The following EXOC2 variants were observed in gnomAD, a reference collection of about 807,000 sequenced individuals.
EXOC2 encodes exocyst complex component 2, also known as SEC5-like 1.
In EXOC2, 70 loss-of-function variants were observed where a neutral mutation model predicts 131.8. The observed-to-expected ratio is 0.53, with a 90% CI of 0.44 to 0.65. The LOEUF (loss-of-function observed/expected upper bound fraction) is 0.65. EXOC2 is among the 30% of genes least tolerant of loss of function. The pLI is 0.00. For missense variants in EXOC2, 923 were observed against 1,108.6 expected, an observed-to-expected ratio of 0.83 and a Z score of 2.38; for synonymous variants, 411 against 398.4, an observed-to-expected ratio of 1.03 and a Z score of -0.38.
At chr6:566,531 T>G (rs1455918263) in intron 13 of EXOC2, among the ~76,000 whole-genome samples, 16 of 152,158 alleles carry the variant, frequency 1.1e-4, no homozygotes, top group Non-Finnish European at 2.4e-4. Context: ...CGGCTCTGAG[T>G]GTCTGTTCAG....
intron 1 of EXOC2, among the ~76,000 whole-genome samples, chr6:683,936 G>C (rs759737183): frequency 2.0e-5 from 3 of 152,256 alleles, no homozygotes; most frequent in Non-Finnish European, 2.9e-5. Flanking sequence ...ACGCACCGCA[G>C]CTGCGAAGGA....
intron 1 of EXOC2, among the ~76,000 whole-genome samples, chr6:657,511 A>G (rs1282718195): frequency 6.6e-6 from 1 of 152,230 alleles, no homozygotes; most frequent in African/African-American, 2.4e-5. Context: ...GAGTTATAAC[A>G]CAAATGACAT....
chr6:637,603 G>C (rs1762159105), intron 2 of EXOC2, 98 bp downstream of exon 2: 2 of 878,442 alleles, frequency 2.3e-6, no homozygotes, highest in East Asian at 2.6e-5. Flanking sequence ...AAAGATGTTT[G>C]TTCTATCACC....
At chr6:496,735 G>T (rs1312131931) in intron 25 of EXOC2, among the ~76,000 whole-genome samples, 1 of 152,094 alleles carries the variant, frequency 6.6e-6, no homozygotes, top group East Asian at 1.9e-4. Context: ...TTTATTTTTT[G>T]ATATTTAAGT....
chr6:644,137 C>T (rs1285490541), intron 1 of EXOC2, among the ~76,000 whole-genome samples: 4 of 151,948 alleles, frequency 2.6e-5, no homozygotes, highest in Non-Finnish European at 4.4e-5. Context: ...TTTCAAAAAG[C>T]AAAAGAGGAA....
chr6:658,665 A>AT (rs10657323), intron 1 of EXOC2, among the ~76,000 whole-genome samples: 36,468 of 115,542 alleles, frequency 0.32, 7,141 homozygotes, highest in East Asian at 0.62. Flanking sequence ...ATATATATAT[A>AT]TTTTTTTTTT....
chr6:527,542 C>T (rs550230188), intron 23 of EXOC2, among the ~76,000 whole-genome samples: 6 of 152,230 alleles, frequency 3.9e-5, no homozygotes, highest in African/African-American at 9.6e-5. Flanking sequence ...TTACAAGTTT[C>T]GCTCACTGAT....
intron 22 of EXOC2, among the ~76,000 whole-genome samples, chr6:534,613 C>T (rs1766326269): frequency 6.6e-6 from 1 of 152,208 alleles, no homozygotes; most frequent in South Asian, 2.1e-4. Flanking sequence ...CCCAAGAATC[C>T]TGTATTTAGC....
chr6:566,913 C>T (rs1234539182), intron 13 of EXOC2, among the ~76,000 whole-genome samples: 2 of 152,168 alleles, frequency 1.3e-5, no homozygotes, highest in Non-Finnish European at 2.9e-5. Flanking sequence ...GCTTGGCATA[C>T]GGCACTCCTG....
At chr6:507,326 T>C (rs1581329556) in intron 23 of EXOC2, among the ~76,000 whole-genome samples, 1 of 37,684 alleles carries the variant, frequency 2.7e-5, no homozygotes, top group African/African-American at 7.9e-5. Flanking sequence ...CACAAAGAAG[T>C]GACCCCCCCC....
intron 13 of EXOC2, among the ~76,000 whole-genome samples, chr6:566,652 T>C (rs768151884): frequency 5.9e-5 from 9 of 152,140 alleles, no homozygotes; most frequent in African/African-American, 2.2e-4. Flanking sequence ...AAATAGCTCT[T>C]TTCTACATGT....
At chr6:508,299 T>C (rs536570872) in intron 23 of EXOC2, among the ~76,000 whole-genome samples, 1 of 152,202 alleles carries the variant, frequency 6.6e-6, no homozygotes, top group Non-Finnish European at 1.5e-5. Context: ...TACACTGACA[T>C]GTGTCATTAT....
At chr6:609,533 G>A (rs965770469) in intron 7 of EXOC2, among the ~76,000 whole-genome samples, 5 of 152,144 alleles carry the variant, frequency 3.3e-5, no homozygotes, top group Non-Finnish European at 5.9e-5. Context: ...GACAGACAAG[G>A]GACGTGGACA....
Position 676,785 on chromosome 6 carries a change from ACT to A in EXOC2, c.-44+16232_-44+16233del, listed in dbSNP as rs773055581. Among the ~76,000 whole-genome samples, 357 of 73,568 alleles carry A rather than the reference ACT, an allele frequency of 4.9e-3. 2 individuals carry two copies. Among genetic ancestry groups the A allele is most frequent in the East Asian group, 0.037 (26 of 710 alleles). 48.3% of individuals were successfully genotyped at this position (73,568 alleles called of 152,430 possible). A position where few individuals can be genotyped will look rare whatever the true frequency, so the allele number is the denominator to read the frequency against. On this transcript the variant is annotated intron_variant, in intron 1 of 27. Coordinates refer to ENST00000230449, the MANE Select transcript of EXOC2 (RefSeq NM_018303.6). ...ACGGAAAGGACAGGTTCCTCGGGAG[ACT>A]CTGCGGTTCCCCATACTCTTCAACA... is the stretch of plus-strand genomic sequence containing the variant.
chr6:531,748 C>T lies in EXOC2; in HGVS notation c.2380+721G>A, dbSNP rs189190044. ...TGCATATGTACACCCATGAAGAACC[C>T]GTGTCCGATACCAGCATGACCACTT... On this transcript the variant is annotated intron_variant, in intron 23 of 27. Coordinates refer to ENST00000230449, the MANE Select transcript of EXOC2 (RefSeq NM_018303.6). 1.9e-3 allele frequency among the ~76,000 whole-genome samples: 287 copies of T among 152,294 alleles called. 1 individual carries two copies. Among genetic ancestry groups the T allele is most frequent in the Middle Eastern group, 0.01 (3 of 294 alleles).
intron 1 of EXOC2, among the ~76,000 whole-genome samples, chr6:678,694 T>C (rs1190134670): frequency 1.3e-5 from 2 of 152,188 alleles, no homozygotes; most frequent in African/African-American, 4.8e-5. Flanking sequence ...AACCAGGGCA[T>C]GGGGCTCCAG....
At chr6:682,363 C>G (rs1224223803) in intron 1 of EXOC2, among the ~76,000 whole-genome samples, 1 of 151,938 alleles carries the variant, frequency 6.6e-6, no homozygotes, top group Non-Finnish European at 1.5e-5. Flanking sequence ...CCACGCCCGG[C>G]TAATTTTTTT....
chr6:598,233 G>T, intron 9 of EXOC2, 110 bp from the exon 10 acceptor site: 1 of 749,466 alleles, frequency 1.3e-6, no homozygotes. Context: ...AGAGGCACCA[G>T]GGCCGTGTCT....
intron 4 of EXOC2, among the ~76,000 whole-genome samples, chr6:627,424 A>G (rs1387890565): frequency 6.6e-6 from 1 of 152,220 alleles, no homozygotes; most frequent in Non-Finnish European, 1.5e-5. Context: ...GACGGACAGA[A>G]GGATGACTGG....
Sources: allele counts gnomAD v4.1 joint callset (sites outside exome capture counted in the v4.1 genomes callset), GRCh38; gene constraint gnomAD v4.1.1; transcripts MANE v1.5; gene names NCBI Gene and HGNC (gene_info 2026-07-23, HGNC 2026-07-21).